Variants in PKIB observed in about 807,000 individuals in gnomAD.
The protein encoded by PKIB is PKI-beta.
PKIB carries 2 observed loss-of-function variants against 4.5 expected under a neutral mutation model. That is an observed-to-expected ratio of 0.44 (90% confidence interval 0.18 to 1.39). The LOEUF (loss-of-function observed/expected upper bound fraction) is 1.39, where lower values mean the gene tolerates loss of function less well. Among genes scored for constraint, PKIB ranks in the 40% most tolerant of loss-of-function variants. The pLI is 0.27. For missense variants in PKIB, 94 were observed against 92.6 expected, an observed-to-expected ratio of 1.02 and a Z score of -0.06; for synonymous variants, 38 against 36.0, an observed-to-expected ratio of 1.06 and a Z score of -0.20.
intron 2 of PKIB, among the ~76,000 whole-genome samples, chr6:122,494,861 C>T (rs1413712998): frequency 6.6e-6 from 1 of 152,196 alleles, no homozygotes; most frequent in African/African-American, 2.4e-5. Flanking sequence ...CACACTTCCT[C>T]CGTGAACCTT....
At chr6:122,639,085 A>G (rs1351580064) in intron 2 of PKIB, among the ~76,000 whole-genome samples, 3 of 152,258 alleles carry the variant, frequency 2.0e-5, no homozygotes, top group African/African-American at 7.2e-5. Flanking sequence ...TAATAAAGGC[A>G]AAAGAGAAAC....
intron 3 of PKIB, among the ~76,000 whole-genome samples, chr6:122,588,786 G>A (rs1359050161): frequency 1.3e-5 from 2 of 152,150 alleles, no homozygotes; most frequent in Non-Finnish European, 2.9e-5. Flanking sequence ...ACAGAAATAT[G>A]TCATGTAGAT....
At chr6:122,585,684 A>G (rs558865961) in intron 2 of PKIB, 27 of 152,290 alleles carry the variant, frequency 1.8e-4, no homozygotes, top group African/African-American at 6.5e-4. Context: ...TTGAAAAAAC[A>G]ATAGTTAAAA....
intron 2 of PKIB, among the ~76,000 whole-genome samples, chr6:122,540,513 A>G (rs1462320469): frequency 6.6e-6 from 1 of 151,840 alleles, no homozygotes; most frequent in East Asian, 1.9e-4. Flanking sequence ...CTTAGTCCTG[A>G]GTTCTAGTTT....
At chr6:122,494,750 A>G (rs1055953960) in intron 2 of PKIB, among the ~76,000 whole-genome samples, 1 of 152,216 alleles carries the variant, frequency 6.6e-6, no homozygotes, top group East Asian at 1.9e-4. Flanking sequence ...AAGAACAAAC[A>G]GAAGTGAAGC....
intron 3 of PKIB, among the ~76,000 whole-genome samples, chr6:122,693,423 T>A (rs1194428848): frequency 6.6e-6 from 1 of 152,256 alleles, no homozygotes; most frequent in East Asian, 1.9e-4. Context: ...TATGATAGAT[T>A]TGTGGGAATT....
At chr6:122,653,271 C>T (rs1456779512) in intron 2 of PKIB, among the ~76,000 whole-genome samples, 1 of 152,140 alleles carries the variant, frequency 6.6e-6, no homozygotes, top group Non-Finnish European at 1.5e-5. Context: ...CCTGGGTGAA[C>T]ATTTGATTAG....
intron 2 of PKIB, among the ~76,000 whole-genome samples, chr6:122,527,658 T>C (rs1777133589): frequency 6.6e-6 from 1 of 152,112 alleles, no homozygotes; most frequent in South Asian, 2.1e-4. Context: ...AAATAAATTA[T>C]AATAGTAACA....
chr6:122,721,228 A>G (rs1779728384), intron 4 of PKIB, among the ~76,000 whole-genome samples: 1 of 152,230 alleles, frequency 6.6e-6, no homozygotes, highest in South Asian at 2.1e-4. Context: ...CAAGCTCACA[A>G]AAATTAAGTG....
rs146380108 is a variant in PKIB at position 122,717,371 on chromosome 6, G to C, written c.-8-416G>C. Reference sequence around the variant, plus strand: ...TTTTGTTTGGTCTCTACAAATTATAGTTATTTGGTTTCAGCCTGAACAATC... The same window carrying C: ...TTTTGTTTGGTCTCTACAAATTATACTTATTTGGTTTCAGCCTGAACAATC... On this transcript the variant is annotated intron_variant, in intron 3 of 4. Transcript: ENST00000368452. 2.0e-5 allele frequency among the ~76,000 whole-genome samples: 3 copies of C among 152,232 alleles called. 1 individual carries two copies. The East Asian group carries it at 5.8e-4, about 30-fold the overall frequency.
chr6:122,561,988 G>GTTTGTGTTTTTTTTTTTTT (rs1554220234), intron 2 of PKIB, among the ~76,000 whole-genome samples: 4 of 24,270 alleles, frequency 1.6e-4, no homozygotes, highest in East Asian at 1.7e-3. Flanking sequence ...TTTTTTGTTT[G>GTTTGTGTTTTTTTTTTTTT]TTTTTGTTTT....
chr6:122,701,479 C>T, intron 3 of PKIB: 1 of 1,595,192 alleles, frequency 6.3e-7, no homozygotes, highest in South Asian at 1.1e-5. Flanking sequence ...ACAGGCTGAA[C>T]CTGACAGCAT....
intron 2 of PKIB, among the ~76,000 whole-genome samples, chr6:122,573,905 C>G (rs911160697): frequency 4.6e-5 from 7 of 152,266 alleles, no homozygotes; most frequent in Admixed American, 3.3e-4. Context: ...CAACATAGTA[C>G]TGGAAGTTTT....
intron 2 of PKIB, among the ~76,000 whole-genome samples, chr6:122,522,346 A>C (rs1776970335): frequency 6.6e-6 from 1 of 152,180 alleles, no homozygotes; most frequent in Non-Finnish European, 1.5e-5. Flanking sequence ...ACTGAGCAAG[A>C]CCACTCAGCC....
intron 1 of PKIB, among the ~76,000 whole-genome samples, chr6:122,473,532 T>C (rs471620): frequency 0.7 from 106,797 of 152,088 alleles, 37,628 homozygotes; most frequent in South Asian, 0.78. Flanking sequence ...GTAGGCTATG[T>C]GGAGTGGAAT....
At chr6:122,688,782 C>CTT (rs34877015) in intron 3 of PKIB, among the ~76,000 whole-genome samples, 5 of 139,098 alleles carry the variant, frequency 3.6e-5, no homozygotes, top group East Asian at 2.1e-4. Flanking sequence ...ATGAGCCTTT[C>CTT]TTTTTTTTTT....
At chr6:122,562,139 C>T (rs112258732) in intron 2 of PKIB, among the ~76,000 whole-genome samples, 2 of 30,876 alleles carry the variant, frequency 6.5e-5, no homozygotes. Context: ...CAGTTCTTGT[C>T]GTGGTGGCTT....
intron 2 of PKIB, among the ~76,000 whole-genome samples, chr6:122,506,655 T>C (rs1164500455): frequency 2.0e-5 from 3 of 151,946 alleles, no homozygotes; most frequent in African/African-American, 4.8e-5. Flanking sequence ...GACGATTTTA[T>C]AGGAATTATT....
At position 122,717,824 on chromosome 6, in the gene PKIB, C is replaced by T. The variant is rs780055354; in HGVS notation, c.30C>T (p.Asp10=). MRTDSSKMT[D]VESGVANFAS... is the part of the protein sequence containing the mutation. ...GGACAGATTCATCAAAAATGACTGA[C>T]GTGGAGTCTGGGGTCGCCAATTTTG... The change falls in exon 4 of 5, where the codon GAC becomes GAT. Residue 10 remains aspartate (D), a synonymous_variant. Transcript: ENST00000368452. 10 of 1,613,936 alleles carry T rather than the reference C, an allele frequency of 6.2e-6. No homozygotes were observed. The highest frequency in any genetic ancestry group is 4.5e-5 in the East Asian group (2 of 44,880).
Sources: gnomAD v4.1 joint callset for allele counts (sites outside exome capture counted in the v4.1 genomes callset) on GRCh38, gnomAD v4.1.1 for gene constraint, MANE v1.5 for transcripts, NCBI Gene and HGNC (gene_info 2026-07-23, HGNC 2026-07-21) for gene names.